Variants in ARMC2 observed in about 807,000 individuals in gnomAD.
The protein encoded by ARMC2 is armadillo repeat containing 2, also known as armadillo repeat-containing protein 2.
In ARMC2, 67 loss-of-function variants were observed where a neutral mutation model predicts 90.3. That is an observed-to-expected ratio of 0.74 (90% confidence interval 0.61 to 0.91). The LOEUF (loss-of-function observed/expected upper bound fraction) is 0.91, where lower values mean the gene tolerates loss of function less well. Ranked by LOEUF, ARMC2 falls within the 40% of genes least tolerant of loss-of-function variation. The pLI is 0.00. For synonymous variants in ARMC2, 393 were observed against 393.0 expected, an observed-to-expected ratio of 1.00 and a Z score of 0.00; for missense variants, 920 against 1,030.9, an observed-to-expected ratio of 0.89 and a Z score of 1.47.
In ARMC2 at chr6:108,868,976, A is replaced by G; in HGVS notation, c.444A>G (p.Arg148=). 6.2e-7 allele frequency: 1 copy of G among 1,612,908 alleles called. No individual in the cohort carries two copies. Among genetic ancestry groups the G allele is most frequent in the Non-Finnish European group, 8.5e-7 (1 of 1,179,438 alleles). Residue 148 remains arginine, a synonymous_variant, in exon 4 of 18, where the codon AGA becomes AGG. Transcript: ENST00000392644. ...AASQRALLPD[R]SLPPSDSKKT... is the part of the protein sequence containing the mutation. ...CCCAGCGGGCCCTTCTGCCGGACAG[A>G]TCCCTTCCTCCCTCCGACTGTAAGG...
chr6:108,988,477 G>A, the ARMC2 span: 2 of 1,394,304 alleles, frequency 1.4e-6, no homozygotes, highest in Non-Finnish European at 1.9e-6. Flanking sequence ...GCACCATTAG[G>A]TTAGGTGAAG....
intron 14 of ARMC2, 108 bp from the exon 15 acceptor site, chr6:108,961,905 AT>A: frequency 2.0e-6 from 2 of 980,380 alleles, no homozygotes; most frequent in South Asian, 3.4e-5. Context: ...ACAGTTTGTA[AT>A]TTATTATCAT....
intron 4 of ARMC2, among the ~76,000 whole-genome samples, chr6:108,873,824 C>G (rs1463367673): frequency 6.6e-6 from 1 of 152,196 alleles, no homozygotes; most frequent in Non-Finnish European, 1.5e-5. Flanking sequence ...CAAGCTTTCT[C>G]CACTCTCTCT....
At chr6:109,032,044 C>T in the ARMC2 span, among the ~76,000 whole-genome samples, 4 of 152,062 alleles carry the variant, frequency 2.6e-5, no homozygotes, top group South Asian at 4.1e-4. Flanking sequence ...GAATTTTCCG[C>T]GGATCACCTG....
intron 4 of ARMC2, among the ~76,000 whole-genome samples, chr6:108,871,533 T>C (rs1342966443): frequency 6.6e-6 from 1 of 152,196 alleles, no homozygotes; most frequent in Non-Finnish European, 1.5e-5. Context: ...GTGCAAGGAC[T>C]CATACCTTGT....
intron 3 of ARMC2, among the ~76,000 whole-genome samples, chr6:108,862,351 A>C (rs956801474): frequency 6.9e-6 from 1 of 144,326 alleles, no homozygotes; most frequent in Non-Finnish European, 1.5e-5. Flanking sequence ...TCAAAAAAAA[A>C]AAAAAAACAA....
At chr6:108,983,071 C>A in the ARMC2 span, among the ~76,000 whole-genome samples, 1 of 152,070 alleles carries the variant, frequency 6.6e-6, no homozygotes, top group Non-Finnish European at 1.5e-5. Flanking sequence ...CCTGCCTCGG[C>A]CTCCCAAACT....
intron 10 of ARMC2, among the ~76,000 whole-genome samples, chr6:108,927,034 G>A (rs1028940989): frequency 2.0e-5 from 3 of 148,032 alleles, no homozygotes; most frequent in African/African-American, 7.5e-5. Context: ...CTTAAAAATT[G>A]TTTTTAAAAG....
chr6:108,963,547 C>T (rs1351354986), intron 15 of ARMC2, among the ~76,000 whole-genome samples: 1 of 152,202 alleles, frequency 6.6e-6, no homozygotes, highest in East Asian at 1.9e-4. Context: ...AGGCAGAATG[C>T]ACACTTTACT....
the ARMC2 span, among the ~76,000 whole-genome samples, chr6:109,007,857 G>A: frequency 7.4e-6 from 1 of 135,458 alleles, no homozygotes; most frequent in East Asian, 2.2e-4. Context: ...TTAAGTTACT[G>A]CATTTGTAAT....
At position 108,962,991 on chromosome 6, in the gene ARMC2, T is replaced by C. The variant is rs149359900; in HGVS notation, c.2152+864T>C. ...TCTAGGCTGGGAGACAGAGCGACAC[T>C]CTATCTCTAAAAAATAAAAAAAATT... On this transcript the variant is annotated intron_variant, in intron 15 of 17. Coordinates refer to ENST00000392644, the MANE Select transcript of ARMC2 (RefSeq NM_032131.6). 7.9e-3 allele frequency among the ~76,000 whole-genome samples: 1,209 copies of C among 152,118 alleles called. 25 individuals carry two copies. The highest frequency in any genetic ancestry group is 0.028 in the African/African-American group (1,155 of 41,480).
chr6:108,905,866 A>C (rs190218656), intron 8 of ARMC2, among the ~76,000 whole-genome samples: 8 of 152,352 alleles, frequency 5.3e-5, no homozygotes, highest in Non-Finnish European at 1.2e-4. Context: ...CAGAACCAGC[A>C]GTTCAGAAGG....
intron 17 of ARMC2, among the ~76,000 whole-genome samples, chr6:108,971,740 G>A (rs1328348712): frequency 6.6e-6 from 1 of 151,982 alleles, no homozygotes; most frequent in Non-Finnish European, 1.5e-5. Flanking sequence ...GGGCCAACAT[G>A]GTAAAACTCT....
the ARMC2 span, among the ~76,000 whole-genome samples, chr6:108,991,221 A>G: frequency 6.8e-6 from 1 of 147,428 alleles, no homozygotes; most frequent in African/African-American, 2.6e-5. Context: ...GTGGTCTTCA[A>G]ATTATGAGTG....
the ARMC2 span, among the ~76,000 whole-genome samples, chr6:109,031,552 G>A: frequency 7.0e-3 from 1,070 of 152,200 alleles, 11 homozygotes; most frequent in African/African-American, 0.024. Flanking sequence ...AAGTCACTGC[G>A]TTGGAGAACC....
intron 5 of ARMC2, among the ~76,000 whole-genome samples, chr6:108,889,691 G>A (rs894956203): frequency 3.3e-5 from 5 of 151,168 alleles, no homozygotes; most frequent in South Asian, 2.1e-4. Flanking sequence ...GCAAGTGATC[G>A]TCTCACCTAG....
chr6:108,916,774 G>A (rs1422630517), intron 10 of ARMC2, among the ~76,000 whole-genome samples: 3 of 152,282 alleles, frequency 2.0e-5, no homozygotes, highest in East Asian at 3.9e-4. Context: ...CTACAGTCGG[G>A]CAGGCATGAC....
intron 7 of ARMC2, among the ~76,000 whole-genome samples, chr6:108,902,980 C>A (rs777185646): frequency 7.2e-5 from 11 of 152,004 alleles, no homozygotes; most frequent in Non-Finnish European, 1.5e-4. Flanking sequence ...CCAGCCTGGG[C>A]AAAATGGCAA....
At chr6:109,024,288 G>A in the ARMC2 span, among the ~76,000 whole-genome samples, 1,324 of 151,976 alleles carry the variant, frequency 8.7e-3, 24 homozygotes, top group African/African-American at 0.03. Context: ...AACTTATTAG[G>A]GCATAGGGAC....
Sources: gnomAD v4.1 joint callset for allele counts (sites outside exome capture counted in the v4.1 genomes callset) on GRCh38, gnomAD v4.1.1 for gene constraint, MANE v1.5 for transcripts, NCBI Gene and HGNC (gene_info 2026-07-23, HGNC 2026-07-21) for gene names.